Variants in TPST1 observed in about 807,000 individuals in gnomAD.
The protein encoded by TPST1 is protein-tyrosine sulfotransferase 1.
Under a neutral mutation model 34.8 loss-of-function variants are expected in TPST1, and 20 were observed. That is an observed-to-expected ratio of 0.57 (90% CI 0.40 to 0.84). The LOEUF is 0.84. Ranked by LOEUF, TPST1 falls within the 40% of genes least tolerant of loss-of-function variation. The pLI, the probability that TPST1 is intolerant of heterozygous loss-of-function variation, is 0.00. For synonymous variants in TPST1, 152 were observed against 159.4 expected (o/e 0.95, Z 0.35); for missense variants, 353 against 455.5 (o/e 0.78, Z 2.05).
intron 3 of TPST1, among the ~76,000 whole-genome samples, chr7:66,307,118 C>A (rs1279682196): frequency 6.6e-6 from 1 of 151,890 alleles, no homozygotes; most frequent in Non-Finnish European, 1.5e-5. Flanking sequence ...CATAATGGAA[C>A]CAAAACTCCA....
chr7:66,321,599 C>T (rs535624900), intron 3 of TPST1, among the ~76,000 whole-genome samples: 2 of 152,312 alleles, frequency 1.3e-5, no homozygotes, highest in African/African-American at 4.8e-5. Context: ...ACTTTTCCAG[C>T]AGAGATTGAA....
At chr7:66,253,938 A>G (rs1281712167) in intron 2 of TPST1, among the ~76,000 whole-genome samples, 1 of 147,718 alleles carries the variant, frequency 6.8e-6, no homozygotes, top group Non-Finnish European at 1.5e-5. Flanking sequence ...TGGAGGCAGA[A>G]GTTGCAGTGA....
In TPST1 at chr7:66,339,274, C is replaced by T. The variant is rs747006589; in HGVS notation, c.1045-13231C>T. Reference sequence around the variant, plus strand: ...TAGAAGGAATGTGTAAATTCTCTGACACATACAACCTACCAAGATTGAATC... The same window carrying T: ...TAGAAGGAATGTGTAAATTCTCTGATACATACAACCTACCAAGATTGAATC... On this transcript the variant is annotated intron_variant, in intron 3 of 5. Coordinates refer to ENST00000304842, the MANE Select transcript of TPST1 (RefSeq NM_003596.4). 6.6e-5 allele frequency among the ~76,000 whole-genome samples: 10 copies of T among 152,190 alleles called. No individual in the cohort carries two copies. The South Asian group carries it at 1.2e-3, about 19-fold the overall frequency.
intron 2 of TPST1, among the ~76,000 whole-genome samples, chr7:66,277,188 G>A (rs926944310): frequency 5.9e-5 from 9 of 152,130 alleles, no homozygotes; most frequent in African/African-American, 2.2e-4. Context: ...GCTTTGGCTG[G>A]TTGGTTTCAA....
intron 1 of TPST1, among the ~76,000 whole-genome samples, chr7:66,235,458 C>T (rs1240226285): frequency 6.6e-6 from 1 of 152,080 alleles, no homozygotes; most frequent in Non-Finnish European, 1.5e-5. Context: ...TGTGCTCAAA[C>T]ATATATTGAA....
intron 2 of TPST1, among the ~76,000 whole-genome samples, chr7:66,280,547 A>T (rs1790912210): frequency 6.6e-6 from 1 of 152,202 alleles, no homozygotes; most frequent in African/African-American, 2.4e-5. Context: ...CTAGGTATAA[A>T]GTCATATCGT....
At chr7:66,228,409 T>G (rs939536446) in intron 1 of TPST1, among the ~76,000 whole-genome samples, 4 of 152,242 alleles carry the variant, frequency 2.6e-5, no homozygotes, top group Admixed American at 1.3e-4. Flanking sequence ...TATCAGAAGT[T>G]GGCAAGTTAA....
intron 3 of TPST1, among the ~76,000 whole-genome samples, chr7:66,347,047 TC>T (rs889421607): frequency 1.9e-4 from 27 of 142,342 alleles, no homozygotes; most frequent in Non-Finnish European, 3.8e-4. Flanking sequence ...CTTCTTTTTT[TC>T]CTTTGCTTTT....
At chr7:66,339,393 G>A (rs191552792) in intron 3 of TPST1, among the ~76,000 whole-genome samples, 110 of 152,268 alleles carry the variant, frequency 7.2e-4, no homozygotes, top group Non-Finnish European at 9.4e-4. Flanking sequence ...CCCAGGACCT[G>A]TTGCTTCACT....
In TPST1 at chr7:66,240,864, G is replaced by A. The variant is rs544658094; in HGVS notation, c.439G>A (p.Val147Ile). 57 of 1,614,156 alleles carry A rather than the reference G, an allele frequency of 3.5e-5. No individual in the cohort carries two copies. The highest frequency in any genetic ancestry group is 1.6e-4 in the Middle Eastern group (1 of 6,062). ...AMQAFLLEII[V>I]KHGEPAPYLC... ...GCAAGCCTTCTTACTAGAAATTATC[G>A]TTAAGCATGGGGAGCCAGCCCCTTA... Residue 147 changes from valine to isoleucine, a missense_variant, in exon 2 of 6, where the codon GTT becomes ATT. Transcript: ENST00000304842.
chr7:66,332,395 G>T lies in TPST1; in HGVS notation c.1045-20110G>T, dbSNP rs1334195082. 6.6e-6 allele frequency among the ~76,000 whole-genome samples: 1 copy of T among 151,968 alleles called. No individual in the cohort carries two copies. Among genetic ancestry groups the T allele is most frequent in the Admixed American group, 6.6e-5 (1 of 15,260 alleles). ...CGATTCTCCTGCCTCAGCCTCCCGA[G>T]TAGCTGGGATTACAGGTGCCCGCCA... On this transcript the variant is annotated intron_variant, in intron 3 of 5. Transcript: ENST00000304842. This position sits in a 1 kb window ranked among gnomAD's most constrained non-coding sequence, Gnocchi z 4.5.
chr7:66,264,795 G>C (rs1308015038), intron 2 of TPST1, among the ~76,000 whole-genome samples: 1 of 152,188 alleles, frequency 6.6e-6, no homozygotes, highest in East Asian at 1.9e-4. Context: ...GCCATGAATA[G>C]AAATTGTCCC....
intron 2 of TPST1, among the ~76,000 whole-genome samples, chr7:66,257,304 T>C (rs1396501470): frequency 6.6e-6 from 1 of 152,100 alleles, no homozygotes; most frequent in Non-Finnish European, 1.5e-5. Flanking sequence ...ATACAAGTTA[T>C]CCTCCCTTCC....
intron 2 of TPST1, among the ~76,000 whole-genome samples, chr7:66,257,664 A>T (rs1790406630): frequency 6.6e-6 from 1 of 152,110 alleles, no homozygotes; most frequent in African/African-American, 2.4e-5. Flanking sequence ...TGTGAAACTC[A>T]CTGGTGTTCA....
chr7:66,253,378 T>C (rs921552779), intron 2 of TPST1, among the ~76,000 whole-genome samples: 2 of 150,870 alleles, frequency 1.3e-5, no homozygotes, highest in Non-Finnish European at 3.0e-5. Context: ...TTCTTTTTTT[T>C]TTTTTTTTTT....
chr7:66,345,489 C>CAAAAAAAAAAAAAAAA (rs58837242), intron 3 of TPST1, among the ~76,000 whole-genome samples: 1 of 64,870 alleles, frequency 1.5e-5, no homozygotes, highest in Non-Finnish European at 2.7e-5. Flanking sequence ...ACTCCATCTC[C>CAAAAAAAAAAAAAAAA]AAAAAAAAAA....
intron 2 of TPST1, among the ~76,000 whole-genome samples, chr7:66,250,042 C>A (rs1292593877): frequency 6.6e-6 from 1 of 152,180 alleles, no homozygotes; most frequent in Admixed American, 6.5e-5. Flanking sequence ...TGTAACATTG[C>A]ATCAAATACT....
intron 2 of TPST1, among the ~76,000 whole-genome samples, chr7:66,264,428 A>C (rs1227589664): frequency 6.6e-6 from 1 of 152,210 alleles, no homozygotes; most frequent in Non-Finnish European, 1.5e-5. Context: ...AGTGAAGCCT[A>C]AGGCAGAGTT....
chr7:66,215,790 T>TTTTG (rs1789391552), intron 1 of TPST1, among the ~76,000 whole-genome samples: 1 of 146,744 alleles, frequency 6.8e-6, no homozygotes, highest in Non-Finnish European at 1.5e-5. Context: ...TTTTTTTTTT[T>TTTTG]GAGACGGAGT....
Sources: allele counts gnomAD v4.1 joint callset (sites outside exome capture counted in the v4.1 genomes callset), GRCh38; gene constraint gnomAD v4.1.1; non-coding constraint Gnocchi (gnomAD v3.1); transcripts MANE v1.5; gene names NCBI Gene and HGNC (gene_info 2026-07-23, HGNC 2026-07-21).